Variants in DOCK2 observed in about 807,000 individuals in gnomAD.
The protein encoded by DOCK2 is dedicator of cytokinesis protein 2.
Under a neutral mutation model 248.9 loss-of-function variants are expected in DOCK2, and 87 were observed. The ratio of observed to expected loss-of-function variants is 0.35; its 90% CI spans 0.29 to 0.42. The LOEUF is 0.42. Among genes scored for constraint, DOCK2 ranks in the 10% least tolerant of loss-of-function variants. The pLI, the probability that DOCK2 is intolerant of heterozygous loss-of-function variation, is 1.00. For missense variants in DOCK2, 1,747 were observed against 2,300.2 expected, an observed-to-expected ratio of 0.76 and a Z score of 4.92; for synonymous variants, 805 against 821.6, an observed-to-expected ratio of 0.98 and a Z score of 0.35.
intron 27 of DOCK2, among the ~76,000 whole-genome samples, chr5:169,969,487 G>T (rs1441252287): frequency 6.6e-6 from 1 of 152,182 alleles, no homozygotes; most frequent in Non-Finnish European, 1.5e-5. Context: ...GACTTCATTT[G>T]TGTCAGAGAG....
intron 33 of DOCK2, among the ~76,000 whole-genome samples, chr5:170,027,618 C>T (rs923153946): frequency 1.6e-4 from 25 of 152,314 alleles, no homozygotes; most frequent in Admixed American, 2.0e-4. Flanking sequence ...CTCCTGCACT[C>T]GCGCTCTCTC....
intron 22 of DOCK2, among the ~76,000 whole-genome samples, chr5:169,735,762 C>G (rs1440814766): frequency 1.3e-5 from 2 of 152,154 alleles, no homozygotes; most frequent in Non-Finnish European, 2.9e-5. Context: ...CGGTATTAGT[C>G]TGTTCTCAAT....
chr5:169,899,032 G>T (rs1358423371), intron 27 of DOCK2, among the ~76,000 whole-genome samples: 1 of 152,220 alleles, frequency 6.6e-6, no homozygotes, highest in East Asian at 1.9e-4. Flanking sequence ...AATGGTGTTT[G>T]CTCTCTGAGA....
At chr5:170,030,538 G>C (rs1272115767) in intron 34 of DOCK2, among the ~76,000 whole-genome samples, 1 of 152,194 alleles carries the variant, frequency 6.6e-6, no homozygotes, top group East Asian at 1.9e-4. Flanking sequence ...AAGTAGTTTG[G>C]ATTTGGGATT....
chr5:170,027,722 C>A, intron 33 of DOCK2, 141 bp from the exon 34 acceptor site: 1 of 706,748 alleles, frequency 1.4e-6, no homozygotes, highest in Non-Finnish European at 2.3e-6. Flanking sequence ...GTATTCTGTT[C>A]CATTTTGCAT....
rs770560364 is a variant in DOCK2 at position 170,019,090 on chromosome 5, A to C, written c.3363A>C (p.Arg1121Ser). ...ACATGATGCTGTGTGAATATCAAAG[A>C]AGTGGGGATTTCAAAAAGGTAAAAA... ...FFDMMLCEYQ[R>S]SGDFKKFENE... Residue 1121 changes from arginine to serine, a missense_variant, in exon 33 of 52, where the codon AGA (arginine) becomes AGC (serine). Around this residue, in one of 4 missense-constraint regions of DOCK2, gnomAD observed 858 missense variants for 1,183.5 expected, o/e 0.72. Transcript: ENST00000520908. 6 of 1,614,072 alleles carry C rather than the reference A, an allele frequency of 3.7e-6. No individual in the cohort carries two copies. The South Asian group carries it at 6.6e-5, about 18-fold the overall frequency.
chr5:169,828,096 G>A (rs1411219610), intron 26 of DOCK2, among the ~76,000 whole-genome samples: 1 of 152,050 alleles, frequency 6.6e-6, no homozygotes, highest in Non-Finnish European at 1.5e-5. Flanking sequence ...GGTTTTTACT[G>A]TATCCAATCT....
intron 27 of DOCK2, among the ~76,000 whole-genome samples, chr5:169,934,447 G>A (rs774596090): frequency 1.3e-5 from 2 of 152,168 alleles, no homozygotes; most frequent in African/African-American, 2.4e-5. Context: ...TGTCCCCAGT[G>A]CCCACACCAC....
chr5:170,033,083 A>G (rs1756201740), intron 34 of DOCK2, among the ~76,000 whole-genome samples: 2 of 151,588 alleles, frequency 1.3e-5, no homozygotes, highest in South Asian at 4.1e-4. Context: ...AAAATGGGGG[A>G]AATAATTCTC....
chr5:169,871,047 A>G (rs183098357), intron 27 of DOCK2, among the ~76,000 whole-genome samples: 64 of 152,290 alleles, frequency 4.2e-4, no homozygotes, highest in East Asian at 3.9e-3. Context: ...CGTGGCAGAA[A>G]GGGGAGAGGG....
chr5:170,031,880 G>A (rs1023323823), intron 34 of DOCK2, among the ~76,000 whole-genome samples: 10 of 152,252 alleles, frequency 6.6e-5, no homozygotes, highest in South Asian at 6.2e-4. Flanking sequence ...CCATTGACCC[G>A]CAGCACTGGT....
intron 2 of DOCK2, among the ~76,000 whole-genome samples, chr5:169,661,780 A>G (rs1009908010): frequency 2.6e-5 from 4 of 152,206 alleles, no homozygotes; most frequent in African/African-American, 9.6e-5. Context: ...GCTGTGACAA[A>G]TGGCAAGATC....
At chr5:169,775,161 C>T (rs1038740858) in intron 25 of DOCK2, among the ~76,000 whole-genome samples, 4 of 152,194 alleles carry the variant, frequency 2.6e-5, no homozygotes, top group African/African-American at 4.8e-5. Context: ...CTGCCCACCT[C>T]GGCCTCCCAA....
At chr5:169,917,812 A>G (rs1216241631) in intron 27 of DOCK2, among the ~76,000 whole-genome samples, 1 of 152,218 alleles carries the variant, frequency 6.6e-6, no homozygotes, top group Non-Finnish European at 1.5e-5. Flanking sequence ...GTGGAGAGAT[A>G]AGACTGGTAA....
At chr5:170,075,700 G>T in intron 46 of DOCK2, 1 of 441,216 alleles carries the variant, frequency 2.3e-6, no homozygotes, top group Non-Finnish European at 4.1e-6. Context: ...TGGGGAAGAG[G>T]GGAGTCCAGC....
chr5:169,838,409 C>T (rs924516882), intron 26 of DOCK2, among the ~76,000 whole-genome samples: 5 of 152,098 alleles, frequency 3.3e-5, no homozygotes, highest in Non-Finnish European at 5.9e-5. Flanking sequence ...TGATGTGAGA[C>T]GATATAAAGT....
intron 10 of DOCK2, among the ~76,000 whole-genome samples, chr5:169,697,048 T>C (rs1453961762): frequency 6.6e-6 from 1 of 152,186 alleles, no homozygotes; most frequent in Admixed American, 6.5e-5. Context: ...TCAACCTTAC[T>C]GCAAAGTGTG....
At chr5:169,803,237 G>T in intron 26 of DOCK2, 31 bp downstream of exon 26, 1 of 1,605,076 alleles carries the variant, frequency 6.2e-7, no homozygotes, top group South Asian at 1.1e-5. Context: ...AGATATCCTG[G>T]ACTCAGACTA....
intron 39 of DOCK2, 86 bp from the exon 40 acceptor site, chr5:170,047,424 G>C: frequency 8.4e-7 from 1 of 1,186,158 alleles, no homozygotes; most frequent in South Asian, 1.4e-5. Flanking sequence ...CTGGTATAAT[G>C]AAAATGTCTT....
Sources: gnomAD v4.1 joint callset for allele counts (sites outside exome capture counted in the v4.1 genomes callset) on GRCh38, gnomAD v4.1.1 for gene constraint, gnomAD v4.1.1 regional missense constraint, MANE v1.5 for transcripts, NCBI Gene and HGNC (gene_info 2026-07-23, HGNC 2026-07-21) for gene names.